The following CNTNAP2 variants were observed in gnomAD, a reference collection of about 807,000 sequenced individuals.
The protein encoded by CNTNAP2 is contactin associated protein 2.
CNTNAP2 carries 98 observed loss-of-function variants against 155.2 expected under a neutral mutation model. The ratio of observed to expected loss-of-function variants is 0.63; its 90% confidence interval spans 0.54 to 0.75. CNTNAP2 has a LOEUF of 0.75. CNTNAP2 is among the 30% of genes least tolerant of loss of function. CNTNAP2 has a pLI of 0.00. For synonymous variants in CNTNAP2, 651 were observed against 631.2 expected, an observed-to-expected ratio of 1.03 and a Z score of -0.47; for missense variants, 1,727 against 1,688.1, an observed-to-expected ratio of 1.02 and a Z score of -0.40.
intron 13 of CNTNAP2, among the ~76,000 whole-genome samples, chr7:147,718,488 A>C (rs564602168): frequency 2.0e-4 from 30 of 152,118 alleles, no homozygotes; most frequent in Non-Finnish European, 3.5e-4. Context: ...TTTGCATAAG[A>C]ATCACTAGTA....
intron 13 of CNTNAP2, among the ~76,000 whole-genome samples, chr7:147,811,914 G>T (rs548793216): frequency 6.6e-6 from 1 of 152,298 alleles, no homozygotes; most frequent in South Asian, 2.1e-4. Context: ...AATGGGGAAA[G>T]AGAGGCTGAT....
At chr7:146,629,666 A>G (rs1282417005) in intron 1 of CNTNAP2, among the ~76,000 whole-genome samples, 1 of 152,190 alleles carries the variant, frequency 6.6e-6, no homozygotes, top group Non-Finnish European at 1.5e-5. Context: ...ATTACTAGTT[A>G]CTAGAACTAT....
At chr7:146,453,644 A>G (rs1796513817) in intron 1 of CNTNAP2, among the ~76,000 whole-genome samples, 1 of 152,256 alleles carries the variant, frequency 6.6e-6, no homozygotes, top group East Asian at 1.9e-4. Flanking sequence ...TCAAAGTAGT[A>G]AACAAGAACA....
At chr7:147,236,361 A>G (rs529451029) in intron 8 of CNTNAP2, among the ~76,000 whole-genome samples, 14 of 151,240 alleles carry the variant, frequency 9.3e-5, no homozygotes, top group Middle Eastern at 3.5e-3. Flanking sequence ...AACTGTGCCT[A>G]TTCTGCTGTG....
chr7:146,313,425 A>C (rs899658808), intron 1 of CNTNAP2, among the ~76,000 whole-genome samples: 1 of 152,186 alleles, frequency 6.6e-6, no homozygotes, highest in African/African-American at 2.4e-5. Context: ...CATGAGTTAA[A>C]TTCCTCATAT....
intron 10 of CNTNAP2, among the ~76,000 whole-genome samples, chr7:147,467,803 G>A (rs10271431): frequency 0.78 from 118,385 of 151,952 alleles, 46,473 homozygotes; most frequent in African/African-American, 0.87. Context: ...GCCAAGGTGG[G>A]AGAATTGCTT....
chr7:148,366,203 G>T lies in CNTNAP2; in HGVS notation c.3476-17446G>T, dbSNP rs796296972. Reference sequence around the variant, plus strand: ...ACATGTATGTGTATGCATGTATATAGGTGTACATGTGTATGCATGTATATA... The same window carrying T: ...ACATGTATGTGTATGCATGTATATATGTGTACATGTGTATGCATGTATATA... On this transcript the variant is annotated intron_variant, in intron 21 of 23. Transcript: ENST00000361727. Among the ~76,000 whole-genome samples, 8 of 48,248 alleles carry T rather than the reference G, an allele frequency of 1.7e-4. 4 individuals are homozygous for T. The highest frequency in any genetic ancestry group is 5.7e-4 in the African/African-American group (8 of 14,066). 31.7% of individuals were successfully genotyped at this position (48,248 alleles called of 152,430 possible).
chr7:147,973,630 C>A (rs1801375311), intron 14 of CNTNAP2, among the ~76,000 whole-genome samples: 1 of 152,062 alleles, frequency 6.6e-6, no homozygotes, highest in Non-Finnish European at 1.5e-5. Context: ...TTACAAGTAA[C>A]CTCAATATTT....
intron 18 of CNTNAP2, among the ~76,000 whole-genome samples, chr7:148,176,211 C>CTTTTTT (rs1188113801): frequency 2.9e-4 from 27 of 92,804 alleles, no homozygotes; most frequent in East Asian, 3.9e-4. Context: ...CTTTCTTTCT[C>CTTTTTT]TTTTTTTTTT....
intron 3 of CNTNAP2, among the ~76,000 whole-genome samples, chr7:146,911,896 C>T (rs1444051699): frequency 6.6e-6 from 1 of 152,076 alleles, no homozygotes; most frequent in Non-Finnish European, 1.5e-5. Flanking sequence ...TCAAGTATCT[C>T]AAACACACAT....
intron 1 of CNTNAP2, among the ~76,000 whole-genome samples, chr7:146,626,079 T>C (rs543209209): frequency 6.6e-6 from 1 of 152,242 alleles, no homozygotes; most frequent in South Asian, 2.1e-4. Flanking sequence ...TTCAAACTTG[T>C]GATACTTATC....
chr7:146,303,114 G>A (rs1002917992), intron 1 of CNTNAP2, among the ~76,000 whole-genome samples: 6 of 151,108 alleles, frequency 4.0e-5, no homozygotes, highest in East Asian at 2.0e-4. Flanking sequence ...GTGTGCGCAT[G>A]CATACATGAA....
chr7:146,972,601 AT>A (rs1797826026), intron 3 of CNTNAP2, among the ~76,000 whole-genome samples: 1 of 152,298 alleles, frequency 6.6e-6, no homozygotes, highest in South Asian at 2.1e-4. Context: ...TAAAATGAAA[AT>A]TTTGGAGATT....
Position 146,944,357 on chromosome 7 carries a change from A to G in CNTNAP2, c.403-99550A>G, listed in dbSNP as rs141505652. ...ATCAACTGTAGATTTTTTTAATTTT[A>G]CAGTTATCAAGCACATTTATTATGT... is the stretch of plus-strand genomic sequence containing the variant. On this transcript the variant is annotated intron_variant, in intron 3 of 23. Transcript: ENST00000361727. 5.2e-3 allele frequency among the ~76,000 whole-genome samples: 791 copies of G among 152,040 alleles called. 9 individuals carry two copies. Among genetic ancestry groups the G allele is most frequent in the African/African-American group, 0.018 (767 of 41,486 alleles).
Position 146,727,735 on chromosome 7 carries a change from T to C in CNTNAP2, c.98-46536T>C, listed in dbSNP as rs11977119. ...AGCAAGCTCTACCCAGTAATATTTA[T>C]AGAAGCGTATGTGTAATTGTTAGTA... On this transcript the variant is annotated intron_variant, in intron 1 of 23. Transcript: ENST00000361727. Among the ~76,000 whole-genome samples the C allele has an allele frequency of 9.0e-3, 1,370 of 152,330 alleles. 23 individuals are homozygous for C. Among genetic ancestry groups the C allele is most frequent in the African/African-American group, 0.03 (1,263 of 41,582 alleles).
chr7:148,323,178 T>A (rs1413525813), intron 21 of CNTNAP2, among the ~76,000 whole-genome samples: 1 of 151,998 alleles, frequency 6.6e-6, no homozygotes, highest in Non-Finnish European at 1.5e-5. Context: ...AAATAACTAG[T>A]CCAAGTTCAC....
chr7:147,302,303 G>GT (rs1794958435), intron 9 of CNTNAP2, among the ~76,000 whole-genome samples: 2 of 152,176 alleles, frequency 1.3e-5, no homozygotes, highest in African/African-American at 2.4e-5. Context: ...CCTAAGGCCA[G>GT]TTTTTATCGA....
intron 10 of CNTNAP2, among the ~76,000 whole-genome samples, chr7:147,439,330 T>G (rs1797602006): frequency 6.6e-6 from 1 of 152,010 alleles, no homozygotes; most frequent in African/African-American, 2.4e-5. Flanking sequence ...TTTCTTAATT[T>G]TTTTATTGAC....
intron 1 of CNTNAP2, among the ~76,000 whole-genome samples, chr7:146,612,086 G>C (rs1046293941): frequency 6.6e-6 from 1 of 152,014 alleles, no homozygotes; most frequent in African/African-American, 2.4e-5. Context: ...TATTTAAATT[G>C]ACAACAATAG....
Sources: allele counts gnomAD v4.1 joint callset (sites outside exome capture counted in the v4.1 genomes callset), GRCh38; gene constraint gnomAD v4.1.1; transcripts MANE v1.5; gene names NCBI Gene and HGNC (gene_info 2026-07-23, HGNC 2026-07-21).